The following MIER1 variants were observed in gnomAD, a reference collection of about 807,000 sequenced individuals.
The protein encoded by MIER1 is mesoderm induction early response protein 1.
In MIER1, 40 loss-of-function variants were observed where a neutral mutation model predicts 75.7. The observed-to-expected ratio is 0.53, with a 90% CI of 0.41 to 0.69. The LOEUF (loss-of-function observed/expected upper bound fraction) is 0.69. Ranked by LOEUF, MIER1 falls within the 30% of genes least tolerant of loss-of-function variation. The probability of loss-of-function intolerance (pLI) is 0.00; values close to 1 mark genes in which losing one functional copy is unlikely to be tolerated. For missense variants in MIER1, 574 were observed against 680.2 expected (o/e 0.84, Z 1.74); for synonymous variants, 213 against 223.4 (o/e 0.95, Z 0.42).
rs986820677 is a variant in MIER1 at position 66,954,986 on chromosome 1, G to A, written c.340-3073G>A. On this transcript the variant is annotated intron_variant, in intron 4 of 13. Transcript: ENST00000401041. ...AGCCTCCCAAAGTGCTGGGATTACA[G>A]GCGTGAGCCACTGCGCTTGGCCTGA... Among the ~76,000 whole-genome samples the A allele has an allele frequency of 3.9e-4, 60 of 152,170 alleles. 1 individual carries two copies. The highest frequency in any genetic ancestry group is 7.2e-4 in the Non-Finnish European group (49 of 68,028).
intron 2 of MIER1, among the ~76,000 whole-genome samples, chr1:66,938,407 T>TAGG (rs1655418111): frequency 6.6e-6 from 1 of 152,176 alleles, no homozygotes; most frequent in Non-Finnish European, 1.5e-5. Context: ...GATAGTGAGC[T>TAGG]AGGATTAGAT....
chr1:66,943,352 G>T (rs749723279), intron 3 of MIER1, among the ~76,000 whole-genome samples: 22 of 152,012 alleles, frequency 1.4e-4, no homozygotes, highest in Non-Finnish European at 2.9e-4. Flanking sequence ...TTAATTTCTG[G>T]AAGAAAATTA....
At chr1:66,969,280 T>C (rs755792586) in intron 8 of MIER1, among the ~76,000 whole-genome samples, 2 of 152,006 alleles carry the variant, frequency 1.3e-5, no homozygotes, top group Non-Finnish European at 2.9e-5. Context: ...GCGCGGTGGC[T>C]CACACCTGTA....
intron 13 of MIER1, among the ~76,000 whole-genome samples, chr1:66,982,914 A>G (rs982288711): frequency 2.0e-5 from 3 of 152,248 alleles, no homozygotes; most frequent in African/African-American, 7.2e-5. Context: ...CTGAAGTAGA[A>G]TAAGATGCTG....
Position 66,958,166 on chromosome 1 carries a change from AGAT to A in MIER1, c.453_455del (p.Asp151del). On this transcript the variant is annotated inframe_deletion, in exon 5 of 14. Transcript: ENST00000401041. ...AGGAAGAAGAGGAAGAAGAAGGTGA[AGAT>A]GATGAAGATGCTGATAATGATGACA... The A allele has an allele frequency of 1.2e-6, 2 of 1,600,676 alleles. No individual in the cohort carries two copies. Among genetic ancestry groups the A allele is most frequent in the Non-Finnish European group, 1.7e-6 (2 of 1,167,882 alleles).
At chr1:66,947,959 G>C (rs771867221) in intron 4 of MIER1, 4 of 985,340 alleles carry the variant, frequency 4.1e-6, no homozygotes, top group Non-Finnish European at 3.6e-6. Flanking sequence ...CAGAATAGCA[G>C]CCTTTCCTGT....
intron 3 of MIER1, among the ~76,000 whole-genome samples, chr1:66,944,749 A>G (rs568918136): frequency 1.3e-5 from 2 of 152,102 alleles, no homozygotes; most frequent in East Asian, 3.9e-4. Flanking sequence ...TTTTAAAGTC[A>G]GGGCCTTGCT....
At chr1:66,965,680 T>C (rs1412464888) in intron 8 of MIER1, among the ~76,000 whole-genome samples, 4 of 152,188 alleles carry the variant, frequency 2.6e-5, no homozygotes, top group Non-Finnish European at 5.9e-5. Flanking sequence ...ATTTATACTC[T>C]TATAGTTCTT....
At chr1:66,936,528 C>T (rs1486537296) in intron 2 of MIER1, among the ~76,000 whole-genome samples, 1 of 152,014 alleles carries the variant, frequency 6.6e-6, no homozygotes, top group Non-Finnish European at 1.5e-5. Flanking sequence ...CCACCGTGCC[C>T]ACCTTAGTTT....
intron 2 of MIER1, among the ~76,000 whole-genome samples, chr1:66,930,633 G>T (rs1652994583): frequency 6.6e-6 from 1 of 151,980 alleles, no homozygotes; most frequent in Admixed American, 6.5e-5. Context: ...CAGTTTGAAG[G>T]GTAGTGCAGC....
chr1:66,926,323 A>G, intron 2 of MIER1, 81 bp downstream of exon 2: 4 of 1,140,352 alleles, frequency 3.5e-6, no homozygotes, highest in Non-Finnish European at 5.3e-6. Flanking sequence ...TACTCTTCTT[A>G]TATGTTCCAG....
Position 66,965,206 on chromosome 1 carries a change from C to T in MIER1, c.772+2046C>T, listed in dbSNP as rs114319884. Among the ~76,000 whole-genome samples, 871 of 152,112 alleles carry T rather than the reference C, an allele frequency of 5.7e-3. 6 individuals are homozygous for T. The highest frequency in any genetic ancestry group is 0.02 in the African/African-American group (810 of 41,498). On this transcript the variant is annotated intron_variant, in intron 8 of 13. Coordinates refer to ENST00000401041, the MANE Select transcript of MIER1 (RefSeq NM_001077700.3). ...TGTGCCAAAATAAATGATCTGTTGG[C>T]TTTTGTATTTATTTTTGTAATTGAA...
Position 66,946,184 on chromosome 1 carries a change from T to TC in MIER1, c.230dup (p.Ser78IlefsTer3). 6.2e-7 allele frequency: 1 copy of TC among 1,610,916 alleles called. No homozygotes were observed. The highest frequency in any genetic ancestry group is 8.5e-7 in the Non-Finnish European group (1 of 1,179,342). ...CAACATCAGATGACCATGAATTTGA[T>TC]CCATCAGCTGACATGCTGGTTCATG... On this transcript the variant is annotated frameshift_variant, in exon 4 of 14. Coordinates refer to ENST00000401041, the MANE Select transcript of MIER1 (RefSeq NM_001077700.3). LOFTEE classifies it high-confidence loss of function.
At chr1:66,980,645 A>T (rs923712421) in intron 12 of MIER1, among the ~76,000 whole-genome samples, 1 of 152,168 alleles carries the variant, frequency 6.6e-6, no homozygotes, top group African/African-American at 2.4e-5. Flanking sequence ...TATTTCTATC[A>T]TACTTATGCT....
chr1:66,963,268 A>G (rs962869510), intron 8 of MIER1, 108 bp downstream of exon 8: 6 of 670,200 alleles, frequency 9.0e-6, no homozygotes, highest in Middle Eastern at 3.3e-4. Flanking sequence ...AAGTAACCCC[A>G]TTGTAACCCC....
At chr1:66,946,397 T>C in intron 4 of MIER1, 102 bp downstream of exon 4, 2 of 1,433,086 alleles carry the variant, frequency 1.4e-6, no homozygotes, top group Non-Finnish European at 1.8e-6. Flanking sequence ...AATTGTGTTA[T>C]ATATTAATGA....
intron 2 of MIER1, among the ~76,000 whole-genome samples, chr1:66,930,557 G>T (rs541382828): frequency 3.3e-5 from 5 of 152,114 alleles, no homozygotes; most frequent in Admixed American, 3.3e-4. Context: ...CGGGAGCTTC[G>T]CCTGGAACTT....
chr1:66,948,525 C>T (rs2101547621), intron 4 of MIER1, among the ~76,000 whole-genome samples: 1 of 152,240 alleles, frequency 6.6e-6, no homozygotes, highest in Middle Eastern at 3.4e-3. Context: ...TGACTTAATC[C>T]ACAATGTCTG....
intron 12 of MIER1, among the ~76,000 whole-genome samples, chr1:66,980,725 A>G (rs557638921): frequency 2.0e-5 from 3 of 152,254 alleles, no homozygotes; most frequent in South Asian, 2.1e-4. Flanking sequence ...GCCTTGCACA[A>G]CTTAGGTACC....
Sources: gnomAD v4.1 joint callset for allele counts (sites outside exome capture counted in the v4.1 genomes callset) on GRCh38, gnomAD v4.1.1 for gene constraint, MANE v1.5 for transcripts, NCBI Gene and HGNC (gene_info 2026-07-23, HGNC 2026-07-21) for gene names.